The following BRIP1 variants were observed in gnomAD, a reference collection of about 807,000 sequenced individuals.
BRIP1 encodes the protein BRCA1 interacting DNA helicase 1.
Under a neutral mutation model 119.7 loss-of-function variants are expected in BRIP1, and 88 were observed. The observed-to-expected ratio is 0.74, with a 90% confidence interval of 0.62 to 0.88. The LOEUF (loss-of-function observed/expected upper bound fraction) is 0.88, where lower values mean the gene tolerates loss of function less well. Ranked by LOEUF, BRIP1 falls within the 40% of genes least tolerant of loss-of-function variation. BRIP1 has a pLI of 0.00. For synonymous variants in BRIP1, 443 were observed against 496.5 expected (o/e 0.89, Z 1.43); for missense variants, 1,259 against 1,455.4 (o/e 0.87, Z 2.20).
In BRIP1 at chr17:61,684,209, A is replaced by T; in HGVS notation, c.2906-69T>A. The T allele has an allele frequency of 6.6e-7, 1 of 1,523,896 alleles. No individual in the cohort carries two copies. The highest frequency in any genetic ancestry group is 1.2e-5 in the South Asian group (1 of 83,934). 94.4% of individuals were successfully genotyped at this position (1,523,896 alleles called of 1,614,324 possible). The stretch of plus-strand genomic sequence containing the variant: ...CTAACATAATTGCTAGGTTAAAATA[A>T]TTATTTATTAGAAATACCTAAATAA... On this transcript the variant is annotated intron_variant, in intron 19 of 19. Coordinates refer to ENST00000259008, the MANE Select transcript of BRIP1 (RefSeq NM_032043.3). The surrounding 1 kb of genome is among the most constrained non-coding windows in gnomAD (Gnocchi z 4.5).
chr17:61,830,177 G>A (rs541506912), intron 6 of BRIP1, among the ~76,000 whole-genome samples: 141 of 151,244 alleles, frequency 9.3e-4, no homozygotes, highest in African/African-American at 1.3e-3. Context: ...CAGGTGATAC[G>A]CTCGCCTCAG....
In BRIP1 at chr17:61,748,941, T is replaced by G. The variant is rs1336738930; in HGVS notation, c.2098-4350A>C. ...TCACGAGGTCAGGAGATTGAGACCATCCTGGCTAACACGGTGAAACCCCAT... is the reference window on the plus strand; with the variant it reads ...TCACGAGGTCAGGAGATTGAGACCAGCCTGGCTAACACGGTGAAACCCCAT... On this transcript the variant is annotated intron_variant, in intron 14 of 19. Coordinates refer to ENST00000259008, the MANE Select transcript of BRIP1 (RefSeq NM_032043.3). The surrounding 1 kb of genome is among the most constrained non-coding windows in gnomAD (Gnocchi z 4.7). 6.6e-6 allele frequency among the ~76,000 whole-genome samples: 1 copy of G among 152,050 alleles called. No homozygotes were observed. The highest frequency in any genetic ancestry group is 2.4e-5 in the African/African-American group (1 of 41,408).
At chr17:61,811,405 T>C (rs376908662) in intron 6 of BRIP1, among the ~76,000 whole-genome samples, 6 of 151,648 alleles carry the variant, frequency 4.0e-5, no homozygotes, top group African/African-American at 1.5e-4. Flanking sequence ...GTGTTTTTAT[T>C]AGAGATGGGG....
Position 61,793,648 on chromosome 17 carries a change from G to A in BRIP1, c.1422C>T (p.Leu474=), listed in dbSNP as rs1555605898. 1.2e-6 allele frequency: 2 copies of A among 1,609,164 alleles called. No individual in the cohort carries two copies. The highest frequency in any genetic ancestry group is 1.7e-6 in the Non-Finnish European group (2 of 1,177,362). Residue 474 remains leucine, a synonymous_variant, in exon 10 of 20, where the codon CTC becomes CTT. Coordinates refer to ENST00000259008, the MANE Select transcript of BRIP1 (RefSeq NM_032043.3). This position sits in a 1 kb window ranked among gnomAD's most constrained non-coding sequence, Gnocchi z 5.2. ...ACKIWSGNEM[L]LTLHKMGITT... is the part of the protein sequence containing the mutation. ...TGATACCCATTTTGTGTAAAGTTAA[G>A]AGCATTTCATTTCCACTCCATATTT...
In BRIP1 at chr17:61,823,468, T is replaced by G. The variant is rs73332527; in HGVS notation, c.628-14711A>C. Among the ~76,000 whole-genome samples, 109 of 152,138 alleles carry G rather than the reference T, an allele frequency of 7.2e-4. 1 individual carries two copies. The highest frequency in any genetic ancestry group is 2.5e-3 in the African/African-American group (105 of 41,484). ...ACAATAACTGAAAAGAAAAATCCAC[T>G]AGTAAGATTTAACACCAAATTAGAA... On this transcript the variant is annotated intron_variant, in intron 6 of 19. Transcript: ENST00000259008. This position sits in a 1 kb window ranked among gnomAD's most constrained non-coding sequence, Gnocchi z 4.8.
rs1325309426 is a variant in BRIP1, at chr17:61,828,504, C to T, written c.627+18597G>A. On this transcript the variant is annotated intron_variant, in intron 6 of 19. Transcript: ENST00000259008. The surrounding 1 kb of genome is among the most constrained non-coding windows in gnomAD (Gnocchi z 4.1). ...TAATAGTATATAAATATGCATAATA[C>T]CACTGAATTTACACTTAAAAACAGA... 6.6e-6 allele frequency among the ~76,000 whole-genome samples: 1 copy of T among 151,602 alleles called. No individual in the cohort carries two copies. Among genetic ancestry groups the T allele is most frequent in the Non-Finnish European group, 1.5e-5 (1 of 67,954 alleles).
rs779727899 is a variant in BRIP1, at chr17:61,700,737, T to C, written c.2493-7225A>G. On this transcript the variant is annotated intron_variant, in intron 17 of 19. Coordinates refer to ENST00000259008, the MANE Select transcript of BRIP1 (RefSeq NM_032043.3). The surrounding 1 kb of genome is among the most constrained non-coding windows in gnomAD (Gnocchi z 4.1). The stretch of plus-strand genomic sequence containing the variant: ...AGCCATAATTTCTTTAAATATTCTT[T>C]CTATTCTTTTTTCTCTCCTCTCCTT... Among the ~76,000 whole-genome samples the C allele has an allele frequency of 1.1e-4, 17 of 152,174 alleles. No homozygotes were observed. The highest frequency in any genetic ancestry group is 2.0e-4 in the Admixed American group (3 of 15,270).
chr17:61,699,399 T>G lies in BRIP1; in HGVS notation c.2493-5887A>C, dbSNP rs1346642719. Among the ~76,000 whole-genome samples the G allele has an allele frequency of 6.6e-6, 1 of 152,234 alleles. No individual in the cohort carries two copies. Among genetic ancestry groups the G allele is most frequent in the East Asian group, 1.9e-4 (1 of 5,200 alleles). On this transcript the variant is annotated intron_variant, in intron 17 of 19. Coordinates refer to ENST00000259008, the MANE Select transcript of BRIP1 (RefSeq NM_032043.3). This position sits in a 1 kb window ranked among gnomAD's most constrained non-coding sequence, Gnocchi z 4.8. ...TTTCCATTTTCTCCAATAGACACTT[T>G]CCAGTATATAATTTTAATTCTCTTG... is the stretch of plus-strand genomic sequence containing the variant.
chr17:61,699,520 T>A lies in BRIP1; in HGVS notation c.2493-6008A>T, dbSNP rs979455041. 2.0e-5 allele frequency among the ~76,000 whole-genome samples: 3 copies of A among 152,198 alleles called. No individual in the cohort carries two copies. The highest frequency in any genetic ancestry group is 7.2e-5 in the African/African-American group (3 of 41,462). ...TAAACTAGTCAGGAAAATTGCCAAC[T>A]TAATTTCAATAGTACAAAAAAATGG... On this transcript the variant is annotated intron_variant, in intron 17 of 19. Coordinates refer to ENST00000259008, the MANE Select transcript of BRIP1 (RefSeq NM_032043.3). This position sits in a 1 kb window ranked among gnomAD's most constrained non-coding sequence, Gnocchi z 4.8.
At chr17:61,711,453 G>C (rs1214852315) in intron 17 of BRIP1, among the ~76,000 whole-genome samples, 1 of 152,156 alleles carries the variant, frequency 6.6e-6, no homozygotes, top group Non-Finnish European at 1.5e-5. Context: ...AACCTTCAGT[G>C]CAACTTGATT....
chr17:61,766,721 A>C (rs1419462447), intron 14 of BRIP1, among the ~76,000 whole-genome samples: 6 of 152,170 alleles, frequency 3.9e-5, no homozygotes, highest in Non-Finnish European at 2.9e-5. Flanking sequence ...TGAATGTAAA[A>C]TATGCCCTCA....
intron 10 of BRIP1, among the ~76,000 whole-genome samples, chr17:61,791,440 G>T (rs950277749): frequency 7.8e-5 from 9 of 115,984 alleles, no homozygotes; most frequent in African/African-American, 3.1e-4. Context: ...AGTGAGCCGA[G>T]ATCACGCCAC....
Position 61,846,164 on chromosome 17 carries a change from CAG to C in BRIP1, c.627+935_627+936del, listed in dbSNP as rs2078726472. 2.7e-5 allele frequency among the ~76,000 whole-genome samples: 4 copies of C among 150,928 alleles called. No homozygotes were observed. The South Asian group carries it at 8.4e-4, about 32-fold the overall frequency. On this transcript the variant is annotated intron_variant, in intron 6 of 19. Transcript: ENST00000259008. The surrounding 1 kb of genome is among the most constrained non-coding windows in gnomAD (Gnocchi z 4.3). ...GCCACCGCACTTCCAGCCTGGGTGA[CAG>C]AGCGATACTCCGTCTCAAAAAAAAA... is the stretch of plus-strand genomic sequence containing the variant.
rs560409290 is a variant in BRIP1 at position 61,816,170 on chromosome 17, A to G, written c.628-7413T>C. Among the ~76,000 whole-genome samples, 1 of 152,318 alleles carries G rather than the reference A, an allele frequency of 6.6e-6. No individual in the cohort carries two copies. The highest frequency in any genetic ancestry group is 2.4e-5 in the African/African-American group (1 of 41,576). On this transcript the variant is annotated intron_variant, in intron 6 of 19. Coordinates refer to ENST00000259008, the MANE Select transcript of BRIP1 (RefSeq NM_032043.3). The surrounding 1 kb of genome is among the most constrained non-coding windows in gnomAD (Gnocchi z 5.0). ...GCTAACCAAGCAAACGTTTTAATTA[A>G]GCTGGAACTTGCTTCAAAGAGCTCA...
At chr17:61,785,834 A>C (rs540941201) in intron 10 of BRIP1, among the ~76,000 whole-genome samples, 1 of 152,272 alleles carries the variant, frequency 6.6e-6, no homozygotes, top group African/African-American at 2.4e-5. Flanking sequence ...CGCTGTACTA[A>C]AAACAGAAGG....
In BRIP1 at chr17:61,701,331, A is replaced by C. The variant is rs1339228120; in HGVS notation, c.2493-7819T>G. ...TGTAATTTTTCTAAAATAATCTTGT[A>C]AAGTCTGTATTGTCATGTGTGGTCA... On this transcript the variant is annotated intron_variant, in intron 17 of 19. Transcript: ENST00000259008. The surrounding 1 kb of genome is among the most constrained non-coding windows in gnomAD (Gnocchi z 5.1). Among the ~76,000 whole-genome samples the C allele has an allele frequency of 6.6e-6, 1 of 152,218 alleles. No individual in the cohort carries two copies. Among genetic ancestry groups the C allele is most frequent in the African/African-American group, 2.4e-5 (1 of 41,450 alleles).
rs1479166805 is a variant in BRIP1 at position 61,704,226 on chromosome 17, C to G, written c.2493-10714G>C. Reference sequence around the variant, plus strand: ...TTTATTTTTAGGCTCTTATAGTTTTCTTTTTTCCCCCTTTTCCTTTTGTTT... The same window carrying G: ...TTTATTTTTAGGCTCTTATAGTTTTGTTTTTTCCCCCTTTTCCTTTTGTTT... On this transcript the variant is annotated intron_variant, in intron 17 of 19. Transcript: ENST00000259008. The surrounding 1 kb of genome is among the most constrained non-coding windows in gnomAD (Gnocchi z 5.7). Among the ~76,000 whole-genome samples the G allele has an allele frequency of 6.6e-6, 1 of 151,932 alleles. No homozygotes were observed. The highest frequency in any genetic ancestry group is 6.6e-5 in the Admixed American group (1 of 15,248).
chr17:61,721,846 C>T (rs780573625), intron 16 of BRIP1, among the ~76,000 whole-genome samples: 10 of 146,522 alleles, frequency 6.8e-5, no homozygotes, highest in Non-Finnish European at 7.6e-5. Flanking sequence ...TACAGGTGCA[C>T]GCCACCATGC....
intron 11 of BRIP1, chr17:61,784,050 T>A (rs1308796512): frequency 2.3e-6 from 1 of 443,366 alleles, no homozygotes; most frequent in Admixed American, 3.9e-5. Context: ...CAACTGCACT[T>A]CAGCCTGGGT....
Sources: gnomAD v4.1 joint callset for allele counts (sites outside exome capture counted in the v4.1 genomes callset) on GRCh38, gnomAD v4.1.1 for gene constraint, Gnocchi (gnomAD v3.1) non-coding constraint, MANE v1.5 for transcripts, NCBI Gene and HGNC (gene_info 2026-07-23, HGNC 2026-07-21) for gene names.